The following TREH variants were observed in gnomAD, a reference collection of about 807,000 sequenced individuals.
TREH encodes trehalase.
Under a neutral mutation model 80.5 loss-of-function variants are expected in TREH, and 69 were observed. That is an observed-to-expected ratio of 0.86 (90% CI 0.71 to 1.05). TREH has a LOEUF of 1.05. Ranked by LOEUF, TREH falls within the 50% of genes least tolerant of loss-of-function variation. TREH has a pLI of 0.00. For missense variants in TREH, 716 were observed against 718.8 expected, an observed-to-expected ratio of 1.00 and a Z score of 0.04; for synonymous variants, 309 against 293.5, an observed-to-expected ratio of 1.05 and a Z score of -0.54.
chr11:118,662,533 G>A (rs1231904394), intron 4 of TREH, among the ~76,000 whole-genome samples: 4 of 152,230 alleles, frequency 2.6e-5, no homozygotes, highest in South Asian at 4.1e-4. Context: ...CTCCTGAGAC[G>A]GAGGCCTGGC....
chr11:118,658,565 A>C (rs1308673320), intron 14 of TREH, 115 bp downstream of exon 14: 3 of 1,516,528 alleles, frequency 2.0e-6, no homozygotes, highest in Non-Finnish European at 1.8e-6. Context: ...AGCACCAGTC[A>C]GCTCCTCCCC....
rs80034805 is a variant in TREH, at chr11:118,659,270, G to A, written c.1432+100C>T. 1,954 of 1,022,332 alleles carry A rather than the reference G, an allele frequency of 1.9e-3. 37 individuals are homozygous for A. The East Asian group carries it at 0.036, about 19-fold the overall frequency. The allele number at this position is 1,022,332 out of a possible 1,614,324, so 63.3% of individuals were successfully genotyped here. A position where few individuals can be genotyped will look rare whatever the true frequency, so the allele number is the denominator to read the frequency against. On this transcript the variant is annotated intron_variant, in intron 12 of 14. Coordinates refer to ENST00000264029, the MANE Select transcript of TREH (RefSeq NM_007180.3). Reference sequence around the variant, plus strand: ...AGCAGAGGAGCGAGAGAAAGGATACGGGGCCTCTTGTGTCTTTTGTTCATG... The same window carrying A: ...AGCAGAGGAGCGAGAGAAAGGATACAGGGCCTCTTGTGTCTTTTGTTCATG...
At chr11:118,668,230 C>G (rs1949396381) in intron 1 of TREH, among the ~76,000 whole-genome samples, 1 of 151,782 alleles carries the variant, frequency 6.6e-6, no homozygotes, top group South Asian at 2.1e-4. Flanking sequence ...GGAGGGAATA[C>G]TTCCAAACTC....
intron 1 of TREH, among the ~76,000 whole-genome samples, chr11:118,672,836 T>C (rs1319206814): frequency 1.1e-4 from 17 of 151,874 alleles, no homozygotes; most frequent in Non-Finnish European, 1.8e-4. Flanking sequence ...ACTACTCTTA[T>C]CCTATGTATC....
rs782272013 is a variant in TREH, at chr11:118,661,280, T to C, written c.737A>G (p.Glu246Gly). The stretch of plus-strand genomic sequence containing the variant: ...TTCCAAGGCTAGTGTTTCAATGTTT[T>C]CCCTGGAGTGAAGCAGACAACACCT... ...THTNDTAFLQ[E>G]NIETLALELD... is the part of the protein sequence containing the mutation. Residue 246 changes from glutamate to glycine, a missense_variant and splice_region_variant, in exon 8 of 15, where the codon GAA (glutamate) becomes GGA (glycine). Coordinates refer to ENST00000264029, the MANE Select transcript of TREH (RefSeq NM_007180.3). The surrounding 1 kb of genome is among the most constrained non-coding windows in gnomAD (Gnocchi z 4.2). 1 of 1,613,978 alleles carries C rather than the reference T, an allele frequency of 6.2e-7. No individual in the cohort carries two copies. The highest frequency in any genetic ancestry group is 1.1e-5 in the South Asian group (1 of 91,076).
At chr11:118,669,342 A>G (rs981077026) in intron 1 of TREH, among the ~76,000 whole-genome samples, 1 of 152,272 alleles carries the variant, frequency 6.6e-6, no homozygotes, top group Non-Finnish European at 1.5e-5. Flanking sequence ...TTCCATTGCT[A>G]GATATATGAC....
Position 118,658,282 on chromosome 11 carries a change from AGG to A in TREH, c.*5_*6del. On this transcript the variant is annotated 3_prime_UTR_variant, in exon 15 of 15. Transcript: ENST00000264029. ...GGAGCTGGGGCCAGGTGAGGAGAGG[AGG>A]GCTGTCACCATGGCAGGAGGCTGAG... 2 of 1,581,750 alleles carry A rather than the reference AGG, an allele frequency of 1.3e-6. No homozygotes were observed. The highest frequency in any genetic ancestry group is 1.7e-6 in the Non-Finnish European group (2 of 1,164,616).
At position 118,674,035 on chromosome 11, in the gene TREH, A is replaced by ACT. The variant is rs34808635; in HGVS notation, c.89+5502_89+5503dup. Among the ~76,000 whole-genome samples the ACT allele has an allele frequency of 0.55, 84,084 of 151,812 alleles. 23,560 individuals carry two copies. The highest frequency in any genetic ancestry group is 0.72 in the East Asian group (3,700 of 5,154). On this transcript the variant is annotated intron_variant, in intron 1 of 14. Transcript: ENST00000264029. The surrounding 1 kb of genome is among the most constrained non-coding windows in gnomAD (Gnocchi z 4.4). ...TCTCTGCTTTTGAATACACTGAGTA[A>ACT]CTGCATTCCCCCAGGAGCTTGTTCC... is the stretch of plus-strand genomic sequence containing the variant.
intron 4 of TREH, 49 bp downstream of exon 4, chr11:118,662,832 C>T (rs782756008): frequency 2.6e-6 from 4 of 1,546,330 alleles, no homozygotes; most frequent in Non-Finnish European, 3.5e-6. Context: ...GCACATTCCT[C>T]TCTTCAGTTC....
chr11:118,676,730 T>C (rs1242788673), intron 1 of TREH, among the ~76,000 whole-genome samples: 1 of 8,050 alleles, frequency 1.2e-4, no homozygotes, highest in Non-Finnish European at 1.8e-4. Flanking sequence ...TGCTCACCAC[T>C]GCACTGCCAG....
chr11:118,659,317 C>G (rs1334578499), intron 12 of TREH, 53 bp downstream of exon 12: 37 of 1,423,396 alleles, frequency 2.6e-5, no homozygotes, highest in Non-Finnish European at 3.2e-5. Flanking sequence ...CCAGGGAGGC[C>G]CACCTCTACA....
At chr11:118,678,508 C>T (rs1386658371) in intron 1 of TREH, among the ~76,000 whole-genome samples, 9 of 151,650 alleles carry the variant, frequency 5.9e-5, no homozygotes, top group East Asian at 1.9e-4. Context: ...GGATTACAGG[C>T]GTGCGCCACC....
rs1949514518 is a variant in TREH at position 118,679,607 on chromosome 11, C to A, written c.21G>T (p.Glu7Asp). 1.9e-6 allele frequency: 3 copies of A among 1,540,804 alleles called. No individual in the cohort carries two copies. Among genetic ancestry groups the A allele is most frequent in the Admixed American group, 1.9e-5 (1 of 52,308 alleles). ...GCCCCAGCAGCAGTAGCAGGCACAG[C>A]TCCCAGGTCCTCCCTGGCATGGTGG... Reference protein sequence around the residue: MPGRTWELCLLLLLGLG... With the variant: MPGRTWDLCLLLLLGLG... Residue 7 changes from glutamate (E) to aspartate (D), a missense_variant, in exon 1 of 15, where the codon GAG becomes GAT. Glu to Asp is a conservative substitution (Grantham distance 45, BLOSUM62 2). Transcript: ENST00000264029.
In TREH at chr11:118,660,542, G is replaced by C; in HGVS notation, c.1099C>G (p.Leu367Val). Residue 367 changes from leucine to valine, a missense_variant, in exon 10 of 15, where the codon CTG becomes GTG. Transcript: ENST00000264029. ...EELMSNFYSRLGNDSQATKYR... is the reference protein window; with the variant it reads ...EELMSNFYSRVGNDSQATKYR... ...CCTTCCCTACTGGGGTGCTCACCCA[G>C]CCTGGAATAGAAGTTGCTCATCAGC... 6.3e-7 allele frequency: 1 copy of C among 1,599,578 alleles called. No individual in the cohort carries two copies. Among genetic ancestry groups the C allele is most frequent in the Non-Finnish European group, 8.5e-7 (1 of 1,171,062 alleles).
At chr11:118,666,287 G>A (rs782394825) in intron 1 of TREH, among the ~76,000 whole-genome samples, 1 of 152,196 alleles carries the variant, frequency 6.6e-6, no homozygotes, top group Middle Eastern at 3.4e-3. Flanking sequence ...AGTAGCTGAG[G>A]GTAAAGGAAT....
At chr11:118,669,262 C>A (rs1322454020) in intron 1 of TREH, among the ~76,000 whole-genome samples, 1 of 152,178 alleles carries the variant, frequency 6.6e-6, no homozygotes, top group African/African-American at 2.4e-5. Flanking sequence ...TAAATTAGTA[C>A]AACCACTATG....
intron 10 of TREH, 66 bp downstream of exon 10, chr11:118,660,473 G>T: frequency 6.7e-7 from 1 of 1,482,364 alleles, no homozygotes; most frequent in Non-Finnish European, 9.1e-7. Context: ...CCTACTTCCA[G>T]TTCTATTGCC....
chr11:118,658,308 AGCAGGAGGCTGG>A lies in TREH; in HGVS notation c.1721_1732del (p.Pro574_Leu577del). On this transcript the variant is annotated inframe_deletion, in exon 15 of 15. Coordinates refer to ENST00000264029, the MANE Select transcript of TREH (RefSeq NM_007180.3). ...GGGCTGTCACCATGGCAGGAGGCTG[AGCAGGAGGCTGG>A]GCAGAAGGGTGGCCGCCAGGCAGTG... The A allele has an allele frequency of 2.5e-6, 4 of 1,588,524 alleles. No homozygotes were observed. Among genetic ancestry groups the A allele is most frequent in the Non-Finnish European group, 2.6e-6 (3 of 1,168,370 alleles).
intron 1 of TREH, among the ~76,000 whole-genome samples, chr11:118,678,067 G>C (rs1471599850): frequency 4.6e-5 from 7 of 152,042 alleles, no homozygotes; most frequent in African/African-American, 1.7e-4. Flanking sequence ...CCCAAACCTT[G>C]TTGCCTGGAG....
Sources: gnomAD v4.1 joint callset for allele counts (sites outside exome capture counted in the v4.1 genomes callset) on GRCh38, gnomAD v4.1.1 for gene constraint, Gnocchi (gnomAD v3.1) non-coding constraint, MANE v1.5 for transcripts, NCBI Gene and HGNC (gene_info 2026-07-23, HGNC 2026-07-21) for gene names.